CHODL: variants seen among roughly 807,000 people sequenced by gnomAD.
CHODL encodes the protein transmembrane protein MT75.
In CHODL, 29 loss-of-function variants were observed where a neutral mutation model predicts 34.5. The observed-to-expected ratio is 0.84, with a 90% confidence interval of 0.63 to 1.15. The LOEUF (loss-of-function observed/expected upper bound fraction) is 1.15. Among genes scored for constraint, CHODL ranks in the 50% most tolerant of loss-of-function variants. The pLI, the probability that CHODL is intolerant of heterozygous loss-of-function variation, is 0.00. For missense variants in CHODL, 332 were observed against 332.5 expected, an observed-to-expected ratio of 1.00 and a Z score of 0.01; for synonymous variants, 125 against 116.1, an observed-to-expected ratio of 1.08 and a Z score of -0.49.
rs144875146 is a variant in CHODL at position 18,047,320 on chromosome 21, T to C, written c.-45+19349T>C. Among the ~76,000 whole-genome samples, 589 of 151,992 alleles carry C rather than the reference T, an allele frequency of 3.9e-3. 2 individuals are homozygous for C. Among genetic ancestry groups the C allele is most frequent in the African/African-American group, 0.013 (549 of 41,514 alleles). The stretch of plus-strand genomic sequence containing the variant: ...TATATAGGAGGCCTGGCATTGATAA[T>C]TGTGAGAGAGAAATTATTTAATGTG... On this transcript the variant is annotated intron_variant, in intron 2 of 6. Transcript: ENST00000400127.
intron 1 of CHODL, 57 bp downstream of exon 1, chr21:18,245,359 G>A: frequency 2.1e-6 from 3 of 1,406,556 alleles, no homozygotes; most frequent in African/African-American, 1.5e-5. Flanking sequence ...CACGGGGCGC[G>A]GCGGGCAGCC....
chr21:18,101,179 G>T (rs1480854902), intron 2 of CHODL, among the ~76,000 whole-genome samples: 5 of 152,086 alleles, frequency 3.3e-5, no homozygotes, highest in African/African-American at 9.7e-5. Flanking sequence ...TTTAAAAACG[G>T]GAGTTTCTCT....
intron 1 of CHODL, among the ~76,000 whole-genome samples, chr21:18,247,584 G>A (rs1490413560): frequency 2.6e-5 from 4 of 151,970 alleles, no homozygotes; most frequent in African/African-American, 9.7e-5. Context: ...CTTCGTCATC[G>A]TAATCTGACC....
chr21:17,946,335 C>A (rs60232659), intron 1 of CHODL, among the ~76,000 whole-genome samples: 2 of 152,112 alleles, frequency 1.3e-5, no homozygotes, highest in African/African-American at 4.8e-5. Flanking sequence ...AGGAGAATGG[C>A]GTGAACCCCC....
intron 1 of CHODL, among the ~76,000 whole-genome samples, chr21:17,919,490 C>T (rs558051675): frequency 1.3e-5 from 2 of 152,274 alleles, no homozygotes; most frequent in East Asian, 3.9e-4. Flanking sequence ...ATGGCTGGAG[C>T]AGCTGGGACA....
intron 2 of CHODL, among the ~76,000 whole-genome samples, chr21:18,042,759 G>C (rs1483540692): frequency 6.6e-6 from 1 of 151,842 alleles, no homozygotes. Context: ...TGAAATAATA[G>C]AGATACATAT....
intron 1 of CHODL, among the ~76,000 whole-genome samples, chr21:17,986,083 C>A (rs892057511): frequency 2.0e-5 from 3 of 152,138 alleles, no homozygotes; most frequent in Non-Finnish European, 4.4e-5. Context: ...TTTGGAAGGG[C>A]ACAAGTATTT....
intron 2 of CHODL, among the ~76,000 whole-genome samples, chr21:18,123,954 G>A (rs556641981): frequency 7.2e-5 from 11 of 152,158 alleles, no homozygotes; most frequent in East Asian, 1.9e-4. Flanking sequence ...AGGCCGAGGC[G>A]GGCGGATCAT....
At chr21:18,074,682 T>C (rs2064844615) in intron 2 of CHODL, among the ~76,000 whole-genome samples, 1 of 152,182 alleles carries the variant, frequency 6.6e-6, no homozygotes, top group South Asian at 2.1e-4. Flanking sequence ...CATTCTGTTA[T>C]TAGGTTTTCT....
chr21:18,119,555 G>T (rs1025339120), intron 2 of CHODL, among the ~76,000 whole-genome samples: 2 of 152,108 alleles, frequency 1.3e-5, no homozygotes, highest in Admixed American at 6.6e-5. Context: ...TACATGAAGG[G>T]ACAATGAGGA....
chr21:17,959,205 C>T (rs1473070840), intron 1 of CHODL, among the ~76,000 whole-genome samples: 2 of 152,004 alleles, frequency 1.3e-5, no homozygotes, highest in Non-Finnish European at 2.9e-5. Context: ...TATTCTAAAC[C>T]TATTGAATCT....
At chr21:18,024,885 A>G (rs2064159513) in intron 1 of CHODL, 1 of 152,198 alleles carries the variant, frequency 6.6e-6, no homozygotes, top group Non-Finnish European at 1.5e-5. Context: ...AGAATTTTAT[A>G]TTATTAAATA....
chr21:18,212,390 C>T (rs942547723), intron 2 of CHODL, among the ~76,000 whole-genome samples: 15 of 152,002 alleles, frequency 9.9e-5, no homozygotes, highest in African/African-American at 1.2e-4. Context: ...CATGACAACC[C>T]AGACAAATTT....
At chr21:18,054,245 A>G (rs2064552151) in intron 2 of CHODL, among the ~76,000 whole-genome samples, 1 of 151,980 alleles carries the variant, frequency 6.6e-6, no homozygotes, top group African/African-American at 2.4e-5. Flanking sequence ...AGAAAACTTA[A>G]CTAACTGATG....
chr21:17,996,135 G>A lies in CHODL; in HGVS notation c.-144-31737G>A, dbSNP rs558539202. Among the ~76,000 whole-genome samples, 109 of 151,768 alleles carry A rather than the reference G, an allele frequency of 7.2e-4. 4 individuals carry two copies. The South Asian group carries it at 0.02, about 28-fold the overall frequency. On this transcript the variant is annotated intron_variant, in intron 1 of 6. Coordinates refer to the CHODL transcript ENST00000400127. ...GGTCACATGCTTCCCATCCTTGAGC[G>A]TCTAACTCAAATGCAGTCAGTTATA...
chr21:18,088,028 A>T (rs1290618404), intron 2 of CHODL, among the ~76,000 whole-genome samples: 6 of 152,052 alleles, frequency 3.9e-5, no homozygotes, highest in African/African-American at 1.4e-4. Flanking sequence ...TTTAAACCAG[A>T]TCTTATGAGA....
rs571144405 is a variant in CHODL, at chr21:17,928,405, G to A, written c.-145+11005G>A. On this transcript the variant is annotated intron_variant, in intron 1 of 6. Transcript: ENST00000400127. ...AGTCAATAAGAGGTAGAGATGCTGG[G>A]GGAAGGCTACCCAAAGAAAAAGGAC... Among the ~76,000 whole-genome samples the A allele has an allele frequency of 9.2e-5, 14 of 151,662 alleles. No individual in the cohort carries two copies. The South Asian group carries it at 2.9e-3, about 31-fold the overall frequency.
intron 2 of CHODL, among the ~76,000 whole-genome samples, chr21:18,078,807 A>G (rs2064898557): frequency 1.3e-5 from 2 of 152,146 alleles, no homozygotes; most frequent in African/African-American, 4.8e-5. Flanking sequence ...TTAGTTCTCA[A>G]AGAGCTTTAT....
chr21:18,075,851 A>T (rs528694001), intron 2 of CHODL, among the ~76,000 whole-genome samples: 1 of 152,254 alleles, frequency 6.6e-6, no homozygotes, highest in East Asian at 1.9e-4. Flanking sequence ...AGGTAACAGG[A>T]GCAGGACTGT....
Sources: gnomAD v4.1 joint callset for allele counts (sites outside exome capture counted in the v4.1 genomes callset) on GRCh38, gnomAD v4.1.1 for gene constraint, MANE v1.5 for transcripts, NCBI Gene and HGNC (gene_info 2026-07-23, HGNC 2026-07-21) for gene names.